P2RY8: variants seen among roughly 807,000 people sequenced by gnomAD.
P2RY8 encodes the protein P2Y receptor family member 8.
Under a neutral mutation model 10.0 loss-of-function variants are expected in P2RY8, and 6 were observed. The ratio of observed to expected loss-of-function variants is 0.60; its 90% CI spans 0.33 to 1.19. The LOEUF (loss-of-function observed/expected upper bound fraction) is 1.19. Among genes scored for constraint, P2RY8 ranks in the 50% most tolerant of loss-of-function variants. P2RY8 has a pLI of 0.04. For missense variants in P2RY8, 456 were observed against 542.0 expected, an observed-to-expected ratio of 0.84 and a Z score of 1.58; for synonymous variants, 276 against 252.5, an observed-to-expected ratio of 1.09 and a Z score of -0.88.
chrX:1,509,672 C>CCATG (rs1230385375), intron 1 of P2RY8, among the ~76,000 whole-genome samples: 2 of 97,722 alleles, frequency 2.0e-5, no homozygotes, highest in Admixed American at 1.9e-4. Flanking sequence ...ATGTGTTCAT[C>CCATG]CATCCATCCA....
intron 1 of P2RY8, among the ~76,000 whole-genome samples, chrX:1,475,160 T>G: frequency 6.7e-6 from 1 of 148,658 alleles, no homozygotes; most frequent in Non-Finnish European, 1.5e-5. Context: ...GCTGGATTTA[T>G]GGGTGGATGA....
chrX:1,492,893 C>T (rs1352768291), intron 1 of P2RY8, among the ~76,000 whole-genome samples: 5 of 152,008 alleles, frequency 3.3e-5, no homozygotes, highest in Non-Finnish European at 5.9e-5. Flanking sequence ...CAGCACTCAG[C>T]GCCCACCTCT....
intron 1 of P2RY8, among the ~76,000 whole-genome samples, chrX:1,503,012 A>G (rs1482047668): frequency 2.0e-5 from 3 of 152,152 alleles, no homozygotes; most frequent in Admixed American, 1.3e-4. Context: ...AACTTTGCAG[A>G]TTTAATGAGT....
In P2RY8 at chrX:1,466,135, C is replaced by T. The variant is rs761542234; in HGVS notation, c.424G>A (p.Ala142Thr). Reference protein sequence around the residue: ...KRWRRRRYAVAACAGTWLLLL... With the variant: ...KRWRRRRYAVTACAGTWLLLL... ...AGCAGCCAGGTCCCTGCACACGCGG[C>T]CACCGCGTAACGACGGCGGCGCCAG... The change falls in exon 2 of 2, where the codon GCC becomes ACC. Residue 142 changes from alanine (A) to threonine (T), a missense_variant. Coordinates refer to ENST00000381297, the MANE Select transcript of P2RY8 (RefSeq NM_178129.5). 1 of 1,610,478 alleles carries T rather than the reference C, an allele frequency of 6.2e-7. No homozygotes were observed. The highest frequency in any genetic ancestry group is 1.1e-5 in the South Asian group (1 of 90,792).
chrX:1,495,738 A>G (rs2092110430), intron 1 of P2RY8, among the ~76,000 whole-genome samples: 1 of 113,866 alleles, frequency 8.8e-6, no homozygotes, highest in African/African-American at 2.7e-5. Flanking sequence ...CAAGCCCAGG[A>G]GAGAGGCCTC....
At chrX:1,519,750 C>A (rs1167355319) in intron 1 of P2RY8, among the ~76,000 whole-genome samples, 1 of 151,974 alleles carries the variant, frequency 6.6e-6, no homozygotes, top group Non-Finnish European at 1.5e-5. Flanking sequence ...AAGATTTTCT[C>A]TGATTTCTAA....
intron 1 of P2RY8, among the ~76,000 whole-genome samples, chrX:1,487,587 C>T (rs1344293667): frequency 6.6e-6 from 1 of 152,114 alleles, no homozygotes; most frequent in African/African-American, 2.4e-5. Context: ...AACACACCTG[C>T]GCCTCTGAGC....
chrX:1,487,449 C>T (rs28580858), intron 1 of P2RY8, among the ~76,000 whole-genome samples: 1,675 of 152,188 alleles, frequency 0.011, 22 homozygotes, highest in Middle Eastern at 0.034. Context: ...GGGCAGAGGG[C>T]ATAAGGAACC....
intron 1 of P2RY8, among the ~76,000 whole-genome samples, chrX:1,493,056 A>G (rs5989753): frequency 0.46 from 69,753 of 150,438 alleles, 16,414 homozygotes; most frequent in Middle Eastern, 0.6. Flanking sequence ...GGGAGGCCGA[A>G]GCGGGTGGAT....
chrX:1,516,590 C>T lies in P2RY8; in HGVS notation c.-25+20331G>A, dbSNP rs113107658. On this transcript the variant is annotated intron_variant, in intron 1 of 1. Transcript: ENST00000381297. The stretch of plus-strand genomic sequence containing the variant: ...CTGTGAGGACACAGGGAGAAGATGG[C>T]GTCTCCAAGTCCAGGAGAGAGGCCT... 4.2e-5 allele frequency among the ~76,000 whole-genome samples: 6 copies of T among 143,018 alleles called. 1 individual carries two copies. Among genetic ancestry groups the T allele is most frequent in the African/African-American group, 1.3e-4 (5 of 38,168 alleles). The allele number at this position is 143,018 out of a possible 152,430, so 93.8% of individuals were successfully genotyped here.
In P2RY8 at chrX:1,536,527, G is replaced by A. The variant is rs772051124; in HGVS notation, c.-25+394C>T. Among the ~76,000 whole-genome samples, 219 of 151,510 alleles carry A rather than the reference G, an allele frequency of 1.4e-3. No homozygotes were observed. In the Middle Eastern group the frequency reaches 0.017, roughly 12 times the overall value. Reference sequence around the variant, plus strand: ...TCCACCCACCTCGGTCCCCCAAAGTGCTGGGATTACAGGCACCTGCCACCA... The same window carrying A: ...TCCACCCACCTCGGTCCCCCAAAGTACTGGGATTACAGGCACCTGCCACCA... On this transcript the variant is annotated intron_variant, in intron 1 of 1. Transcript: ENST00000381297.
At chrX:1,523,118 T>A (rs1285514410) in intron 1 of P2RY8, among the ~76,000 whole-genome samples, 1 of 149,948 alleles carries the variant, frequency 6.7e-6, no homozygotes, top group African/African-American at 2.5e-5. Context: ...AATAAATAAA[T>A]AAAACAAAAA....
rs1296025856 is a variant in P2RY8 at position 1,473,883 on chromosome X, C to T, written c.-24-7301G>A. Among the ~76,000 whole-genome samples the T allele has an allele frequency of 7.6e-5, 10 of 131,972 alleles. No individual in the cohort carries two copies. In the East Asian group the frequency reaches 2.2e-3, roughly 30 times the overall value. 86.6% of individuals were successfully genotyped at this position (131,972 alleles called of 152,430 possible). On this transcript the variant is annotated intron_variant, in intron 1 of 1. Coordinates refer to ENST00000381297, the MANE Select transcript of P2RY8 (RefSeq NM_178129.5). Reference sequence around the variant, plus strand: ...AGATAGGTGGATATGTGGGTGGATGCATTGATGGTTGATGGGTAGATGGAT... The same window carrying T: ...AGATAGGTGGATATGTGGGTGGATGTATTGATGGTTGATGGGTAGATGGAT...
chrX:1,493,248 A>G (rs1470292768), intron 1 of P2RY8, among the ~76,000 whole-genome samples: 1 of 148,288 alleles, frequency 6.7e-6, no homozygotes, highest in East Asian at 2.0e-4. Context: ...AGGTCACGCC[A>G]CTGCACTCCA....
intron 1 of P2RY8, among the ~76,000 whole-genome samples, chrX:1,469,346 AG>A (rs1459468727): frequency 6.6e-6 from 1 of 150,926 alleles, no homozygotes; most frequent in Non-Finnish European, 1.5e-5. Flanking sequence ...TACTTTTTGT[AG>A]CCCCAAAAAG....
At chrX:1,492,566 T>G (rs1345082200) in intron 1 of P2RY8, among the ~76,000 whole-genome samples, 1 of 152,114 alleles carries the variant, frequency 6.6e-6, no homozygotes, top group Non-Finnish European at 1.5e-5. Context: ...GAGGAGAAAC[T>G]GACAACCATG....
intron 1 of P2RY8, among the ~76,000 whole-genome samples, chrX:1,516,742 C>T (rs1194505193): frequency 6.6e-6 from 1 of 151,316 alleles, no homozygotes; most frequent in African/African-American, 2.4e-5. Context: ...CTGAAATGGA[C>T]GAGAACATCT....
At chrX:1,521,944 C>T (rs563349086) in intron 1 of P2RY8, among the ~76,000 whole-genome samples, 567 of 39,076 alleles carry the variant, frequency 0.015, 14 homozygotes, top group South Asian at 0.066. Context: ...CTCTCGCTCT[C>T]TTTTTTTTTT....
chrX:1,493,429 A>G (rs868583325), intron 1 of P2RY8, among the ~76,000 whole-genome samples: 1 of 39,752 alleles, frequency 2.5e-5, no homozygotes, highest in Admixed American at 2.2e-4. Flanking sequence ...AGGAAGGAGG[A>G]GGGAGGGAAG....
Sources: allele counts gnomAD v4.1 joint callset (sites outside exome capture counted in the v4.1 genomes callset), GRCh38; gene constraint gnomAD v4.1.1; transcripts MANE v1.5; gene names NCBI Gene and HGNC (gene_info 2026-07-23, HGNC 2026-07-21).